Variants in RIMS1 observed in about 807,000 individuals in gnomAD.
RIMS1 encodes the protein regulating synaptic membrane exocytosis protein 1.
RIMS1 carries 83 observed loss-of-function variants against 214.1 expected under a neutral mutation model. The observed-to-expected ratio is 0.39, with a 90% confidence interval of 0.32 to 0.47. The LOEUF (loss-of-function observed/expected upper bound fraction) is 0.47. RIMS1 is among the 20% of genes least tolerant of loss of function. RIMS1 has a pLI of 0.99. For synonymous variants in RIMS1, 793 were observed against 786.8 expected, an observed-to-expected ratio of 1.01 and a Z score of -0.13; for missense variants, 2,050 against 2,161.8, an observed-to-expected ratio of 0.95 and a Z score of 1.03.
chr6:72,153,202 A>G (rs941586762), intron 4 of RIMS1, among the ~76,000 whole-genome samples: 2 of 151,232 alleles, frequency 1.3e-5, no homozygotes, highest in Admixed American at 1.3e-4. Flanking sequence ...AACGAATTGC[A>G]TGTGAGACCA....
intron 4 of RIMS1, among the ~76,000 whole-genome samples, chr6:72,101,066 T>C (rs12174407): frequency 0.44 from 66,177 of 151,772 alleles, 15,508 homozygotes; most frequent in Non-Finnish European, 0.52. Context: ...AGTTCACAGT[T>C]GAAACGTGGG....
intron 2 of RIMS1, among the ~76,000 whole-genome samples, chr6:72,073,811 T>C (rs1831140726): frequency 6.6e-6 from 1 of 152,190 alleles, no homozygotes; most frequent in South Asian, 2.1e-4. Context: ...GTTAACTCTG[T>C]GGTGTGAGGC....
intron 6 of RIMS1, among the ~76,000 whole-genome samples, chr6:72,220,592 AAAC>A (rs1229272159): frequency 1.1e-4 from 16 of 152,216 alleles, no homozygotes; most frequent in Admixed American, 2.0e-4. Flanking sequence ...TAAAAAAACA[AAAC>A]AACAACAATA....
intron 2 of RIMS1, among the ~76,000 whole-genome samples, chr6:72,091,749 C>T (rs1053557027): frequency 2.0e-5 from 3 of 152,016 alleles, no homozygotes; most frequent in African/African-American, 7.2e-5. Context: ...AATATCAATG[C>T]TTTTCTTTTG....
intron 2 of RIMS1, among the ~76,000 whole-genome samples, chr6:72,088,962 G>C (rs1835428782): frequency 6.6e-6 from 1 of 151,792 alleles, no homozygotes; most frequent in African/African-American, 2.4e-5. Context: ...GAGGGGAAGA[G>C]AGGGAGGGGA....
chr6:71,921,336 G>A (rs751750744), intron 1 of RIMS1, among the ~76,000 whole-genome samples: 4 of 152,248 alleles, frequency 2.6e-5, no homozygotes, highest in Non-Finnish European at 5.9e-5. Context: ...GGTCAGGCTG[G>A]TCTCGAACCC....
At chr6:71,919,845 G>A (rs149918917) in intron 1 of RIMS1, among the ~76,000 whole-genome samples, 1 of 152,270 alleles carries the variant, frequency 6.6e-6, no homozygotes, top group African/African-American at 2.4e-5. Flanking sequence ...TTAAGAACGA[G>A]AACTCAAAAT....
chr6:72,197,783 C>A lies in RIMS1; in HGVS notation c.1678+14634C>A, dbSNP rs573370682. On this transcript the variant is annotated intron_variant, in intron 6 of 33. Coordinates refer to ENST00000521978, the MANE Select transcript of RIMS1 (RefSeq NM_014989.7). ...GAATTTTGAAACTACAAAGAGGCAA[C>A]CATTAAACTTACCTATGAGGAAGCC... Among the ~76,000 whole-genome samples the A allele has an allele frequency of 7.2e-5, 11 of 152,054 alleles. No homozygotes were observed. In the South Asian group the frequency reaches 2.3e-3, roughly 32 times the overall value.
At chr6:71,965,552 G>A (rs1309267234) in intron 1 of RIMS1, among the ~76,000 whole-genome samples, 1 of 152,142 alleles carries the variant, frequency 6.6e-6, no homozygotes, top group Non-Finnish European at 1.5e-5. Context: ...TGGCTGAGTG[G>A]GCAGTTGGCA....
intron 28 of RIMS1, among the ~76,000 whole-genome samples, chr6:72,324,217 T>C (rs972568673): frequency 6.6e-6 from 1 of 151,858 alleles, no homozygotes; most frequent in Non-Finnish European, 1.5e-5. Context: ...TTCATAATGA[T>C]AAAAACAACA....
chr6:72,306,567 A>C (rs1042004730), intron 26 of RIMS1, among the ~76,000 whole-genome samples: 1 of 152,208 alleles, frequency 6.6e-6, no homozygotes, highest in African/African-American at 2.4e-5. Context: ...AGATTAATAA[A>C]AGCTTAAAAG....
At chr6:72,048,911 A>G (rs887645448) in intron 2 of RIMS1, among the ~76,000 whole-genome samples, 1 of 152,200 alleles carries the variant, frequency 6.6e-6, no homozygotes, top group Non-Finnish European at 1.5e-5. Context: ...CATGGTGGGC[A>G]TGATCCAGGG....
In RIMS1 at chr6:72,235,761, G is replaced by C. The variant is rs62407487; in HGVS notation, c.1857+33G>C. The C allele has an allele frequency of 4.5e-3, 6,034 of 1,326,846 alleles. 23 individuals are homozygous for C. The highest frequency in any genetic ancestry group is 5.2e-3 in the Non-Finnish European group (4,927 of 951,154). The allele number at this position is 1,326,846 out of a possible 1,614,324, so 82.2% of individuals were successfully genotyped here. On this transcript the variant is annotated intron_variant, in intron 8 of 33. Transcript: ENST00000521978. The stretch of plus-strand genomic sequence containing the variant: ...TGCTGGTTTAAAATGTTTCTTAAAG[G>C]GTGAATTACAGTATGGTCTGCATTC...
intron 6 of RIMS1, among the ~76,000 whole-genome samples, chr6:72,199,517 A>G (rs189909372): frequency 1.6e-4 from 24 of 152,216 alleles, no homozygotes; most frequent in African/African-American, 5.8e-4. Flanking sequence ...TGTCAACACA[A>G]TTGAATATGA....
chr6:71,906,038 A>G (rs1310963919), intron 1 of RIMS1, among the ~76,000 whole-genome samples: 1 of 152,116 alleles, frequency 6.6e-6, no homozygotes, highest in African/African-American at 2.4e-5. Flanking sequence ...AGCTCCAGTG[A>G]TTTCCTAACA....
intron 2 of RIMS1, among the ~76,000 whole-genome samples, chr6:72,017,890 A>C (rs1260427292): frequency 6.6e-6 from 1 of 152,244 alleles, no homozygotes; most frequent in African/African-American, 2.4e-5. Context: ...CAATATCCAC[A>C]AAATGGAACT....
chr6:72,119,054 T>C (rs566733585), intron 4 of RIMS1, among the ~76,000 whole-genome samples: 1 of 151,926 alleles, frequency 6.6e-6, no homozygotes, highest in African/African-American at 2.4e-5. Flanking sequence ...GCCAATGATA[T>C]GATTGTATAC....
chr6:72,303,437 A>G (rs1159497674), intron 26 of RIMS1, among the ~76,000 whole-genome samples: 1 of 151,158 alleles, frequency 6.6e-6, no homozygotes, highest in Non-Finnish European at 1.5e-5. Flanking sequence ...AAGAGTAGTT[A>G]TTTTAATATC....
At chr6:71,935,510 G>C (rs1784190164) in intron 1 of RIMS1, among the ~76,000 whole-genome samples, 1 of 152,166 alleles carries the variant, frequency 6.6e-6, no homozygotes, top group African/African-American at 2.4e-5. Flanking sequence ...AAAGCATAGG[G>C]TTTTCTTAAG....
Sources: gnomAD v4.1 joint callset for allele counts (sites outside exome capture counted in the v4.1 genomes callset) on GRCh38, gnomAD v4.1.1 for gene constraint, MANE v1.5 for transcripts, NCBI Gene and HGNC (gene_info 2026-07-23, HGNC 2026-07-21) for gene names.